Variants in SHOC1 observed in about 807,000 individuals in gnomAD.
SHOC1 encodes shortage in chiasmata 1.
A neutral mutation model predicts 179.2 loss-of-function variants in SHOC1; 136 were observed. The ratio of observed to expected loss-of-function variants is 0.76; its 90% CI spans 0.66 to 0.87. The LOEUF (loss-of-function observed/expected upper bound fraction) is 0.87. Among genes scored for constraint, SHOC1 ranks in the 40% least tolerant of loss-of-function variants. The pLI is 0.00. For missense variants in SHOC1, 1,538 were observed against 1,700.8 expected (o/e 0.90, Z 1.68); for synonymous variants, 489 against 586.6 (o/e 0.83, Z 2.41).
intron 25 of SHOC1, 101 bp from the exon 26 acceptor site, chr9:111,694,049 TC>T (rs1212491505): frequency 1.1e-6 from 1 of 912,660 alleles, no homozygotes; most frequent in African/African-American, 1.9e-5. Flanking sequence ...AGTTTAATAG[TC>T]AGTAGTCTTT....
chr9:111,759,582 C>G (rs1387963123), intron 5 of SHOC1: 5 of 1,081,290 alleles, frequency 4.6e-6, no homozygotes, highest in East Asian at 6.1e-5. Context: ...AAACTTGCCC[C>G]CAATTCTTCA....
chr9:111,748,748 T>C (rs1834407674), intron 8 of SHOC1, among the ~76,000 whole-genome samples: 2 of 46,858 alleles, frequency 4.3e-5, no homozygotes, highest in Non-Finnish European at 8.0e-5. Context: ...TGCCTTCCTT[T>C]TTTCCTTCCT....
At position 111,759,695 on chromosome 9, in the gene SHOC1, C is replaced by G. The variant is rs148208803; in HGVS notation, c.443-847G>C. Among the ~76,000 whole-genome samples, 1,139 of 152,264 alleles carry G rather than the reference C, an allele frequency of 7.5e-3. 14 individuals are homozygous for G. The highest frequency in any genetic ancestry group is 0.026 in the African/African-American group (1,095 of 41,548). On this transcript the variant is annotated intron_variant, in intron 5 of 27. Transcript: ENST00000682961. The stretch of plus-strand genomic sequence containing the variant: ...AAAGAAAGCCATCCTGAAGGGAGAG[C>G]AATGGTTTCTCATCCTGGGTATTGA...
At chr9:111,715,881 G>A (rs1241054006) in intron 16 of SHOC1, among the ~76,000 whole-genome samples, 1 of 151,976 alleles carries the variant, frequency 6.6e-6, no homozygotes, top group Non-Finnish European at 1.5e-5. Context: ...CTGGGTTAAA[G>A]CCCAGAAGAG....
At position 111,738,371 on chromosome 9, in the gene SHOC1, T is replaced by G; in HGVS notation, c.1326A>C (p.Glu442Asp). 6.2e-7 allele frequency: 1 copy of G among 1,613,280 alleles called. No homozygotes were observed. ...GLNLKMMETL[E>D]HLNTYLCHDN... ...CATGACATAAATATGTATTCAGATG[T>G]TCCAATGTTTCCATCATTTTCAGAT... Residue 442 changes from glutamate to aspartate, a missense_variant, in exon 12 of 28, where the codon GAA becomes GAC. Glu to Asp is a conservative substitution (Grantham distance 45, BLOSUM62 2). Transcript: ENST00000682961.
Position 111,722,422 on chromosome 9 carries a change from A to T in SHOC1, c.2118T>A (p.Asp706Glu), listed in dbSNP as rs756343276. The T allele has an allele frequency of 6.3e-7, 1 of 1,598,450 alleles. No individual in the cohort carries two copies. Among genetic ancestry groups the T allele is most frequent in the Admixed American group, 1.8e-5 (1 of 54,294 alleles). ...ATTTGTACTCACCTTGGCGAACAGC[A>T]TCACTTACTACTTTTTCTTGTTCCT... ...LLKEQEKVVSDAVRQGTIDER... is the reference protein window; with the variant it reads ...LLKEQEKVVSEAVRQGTIDER... Residue 706 changes from aspartate (D) to glutamate (E), a missense_variant, in exon 15 of 28, where the codon GAT becomes GAA. By Grantham distance (45) the Asp-to-Glu change is conservative. Transcript: ENST00000682961.
At chr9:111,774,407 T>G (rs938419479) in intron 5 of SHOC1, among the ~76,000 whole-genome samples, 3 of 152,136 alleles carry the variant, frequency 2.0e-5, no homozygotes, top group Non-Finnish European at 4.4e-5. Context: ...CAAGCAATCT[T>G]CCCACTTCAG....
At chr9:111,748,800 C>A (rs898448724) in intron 8 of SHOC1, among the ~76,000 whole-genome samples, 5 of 108,902 alleles carry the variant, frequency 4.6e-5, no homozygotes, top group Admixed American at 1.0e-4. Flanking sequence ...CCCCCCCTTC[C>A]TTCCTTCCTT....
At chr9:111,787,324 C>T (rs62572578) in intron 2 of SHOC1, among the ~76,000 whole-genome samples, 2,095 of 152,208 alleles carry the variant, frequency 0.014, 25 homozygotes, top group Non-Finnish European at 0.022. Flanking sequence ...AATTGAAAAC[C>T]TTTGAGAAGG....
intron 12 of SHOC1, among the ~76,000 whole-genome samples, chr9:111,732,943 G>T (rs1045924853): frequency 1.3e-5 from 2 of 152,174 alleles, no homozygotes; most frequent in African/African-American, 2.4e-5. Flanking sequence ...CAACATTTGT[G>T]TATATTATGA....
chr9:111,732,899 T>C (rs777495138), intron 12 of SHOC1, among the ~76,000 whole-genome samples: 5 of 152,218 alleles, frequency 3.3e-5, no homozygotes, highest in Non-Finnish European at 4.4e-5. Flanking sequence ...CATCAAACTG[T>C]ACAGTTAAAA....
chr9:111,756,538 A>C, intron 7 of SHOC1, 60 bp from the exon 8 acceptor site: 1 of 1,473,780 alleles, frequency 6.8e-7, no homozygotes, highest in Non-Finnish European at 9.2e-7. Context: ...TATTTTCGAA[A>C]TCATAAGTGG....
chr9:111,770,925 T>C (rs1312567207), intron 5 of SHOC1, among the ~76,000 whole-genome samples: 6 of 152,172 alleles, frequency 3.9e-5, no homozygotes, highest in East Asian at 1.9e-4. Context: ...AGAGAGTTTC[T>C]TGAAGGCAGC....
At position 111,690,230 on chromosome 9, in the gene SHOC1, C is replaced by T. The variant is rs141242016; in HGVS notation, c.4426+1321G>A. Among the ~76,000 whole-genome samples, 195 of 152,162 alleles carry T rather than the reference C, an allele frequency of 1.3e-3. 1 individual carries two copies. Among genetic ancestry groups the T allele is most frequent in the South Asian group, 0.011 (53 of 4,812 alleles). On this transcript the variant is annotated intron_variant, in intron 27 of 27. Coordinates refer to ENST00000682961, the MANE Select transcript of SHOC1 (RefSeq NM_001378211.1). ...CTTGAGCCGAGGAGTTCGAGATCAG[C>T]CTGGACAACATAACAAAACCCTGTC...
intron 24 of SHOC1, among the ~76,000 whole-genome samples, chr9:111,697,973 G>A (rs1315870356): frequency 6.6e-6 from 1 of 152,166 alleles, no homozygotes; most frequent in East Asian, 1.9e-4. Flanking sequence ...GTGTCTGTTG[G>A]ATGCATAAAT....
At chr9:111,690,403 T>C (rs10733580) in intron 27 of SHOC1, among the ~76,000 whole-genome samples, 147,661 of 152,288 alleles carry the variant, frequency 0.97, 71,610 homozygotes, top group East Asian at 1. Flanking sequence ...CAGCCTGGGC[T>C]ACAGAGGGAG....
intron 5 of SHOC1, among the ~76,000 whole-genome samples, chr9:111,760,598 T>C (rs1007274559): frequency 7.3e-5 from 11 of 151,460 alleles, no homozygotes; most frequent in African/African-American, 2.7e-4. Context: ...CTAAGTTATC[T>C]GATAAAAATT....
chr9:111,758,024 T>A, intron 7 of SHOC1, 60 bp downstream of exon 7: 1 of 832,848 alleles, frequency 1.2e-6, no homozygotes, highest in Non-Finnish European at 1.9e-6. Flanking sequence ...ATTACACAAA[T>A]TTTACAAAAA....
In SHOC1 at chr9:111,727,541, G is replaced by C. The variant is rs1833351511; in HGVS notation, c.1834+92C>G. The C allele has an allele frequency of 2.6e-6, 3 of 1,134,382 alleles. No homozygotes were observed. In the African/African-American group the frequency reaches 4.7e-5, roughly 18 times the overall value. The allele number at this position is 1,134,382 out of a possible 1,614,324, so 70.3% of individuals were successfully genotyped here. A position where few individuals can be genotyped will look rare whatever the true frequency, so the allele number is the denominator to read the frequency against. On this transcript the variant is annotated intron_variant, in intron 13 of 27. Coordinates refer to ENST00000682961, the MANE Select transcript of SHOC1 (RefSeq NM_001378211.1). The stretch of plus-strand genomic sequence containing the variant: ...ACAAAAAATAACATAATTTTATCTA[G>C]AAGAACTTTATCTCCTTGCCTTCTA...
Sources: gnomAD v4.1 joint callset for allele counts (sites outside exome capture counted in the v4.1 genomes callset) on GRCh38, gnomAD v4.1.1 for gene constraint, MANE v1.5 for transcripts, NCBI Gene and HGNC (gene_info 2026-07-23, HGNC 2026-07-21) for gene names.